The following INPP5F variants were observed in gnomAD, a reference collection of about 807,000 sequenced individuals.
INPP5F encodes inositol polyphosphate-5-phosphatase F.
In INPP5F, 97 loss-of-function variants were observed where a neutral mutation model predicts 137.2. The ratio of observed to expected loss-of-function variants is 0.71; its 90% CI spans 0.60 to 0.84. The LOEUF is 0.84. Ranked by LOEUF, INPP5F falls within the 40% of genes least tolerant of loss-of-function variation. INPP5F has a pLI of 0.00. For synonymous variants in INPP5F, 504 were observed against 476.9 expected, an observed-to-expected ratio of 1.06 and a Z score of -0.74; for missense variants, 1,271 against 1,371.9, an observed-to-expected ratio of 0.93 and a Z score of 1.16.
In INPP5F at chr10:119,748,363, T is replaced by G. The variant is rs1848598930; in HGVS notation, c.98-2713T>G. Among the ~76,000 whole-genome samples the G allele has an allele frequency of 6.6e-6, 1 of 152,200 alleles. No individual in the cohort carries two copies. Among genetic ancestry groups the G allele is most frequent in the African/African-American group, 2.4e-5 (1 of 41,452 alleles). ...CTCGGAGAGCCCCTAGGTCTGGTGT[T>G]CCCGAAGGGCCGCAGCCCTTTCCTC... On this transcript the variant is annotated intron_variant, in intron 1 of 19. Coordinates refer to ENST00000650623, the MANE Select transcript of INPP5F (RefSeq NM_014937.4). The surrounding 1 kb of genome is among the most constrained non-coding windows in gnomAD (Gnocchi z 4.7).
intron 2 of INPP5F, among the ~76,000 whole-genome samples, chr10:119,768,984 T>C (rs949006255): frequency 6.6e-6 from 1 of 152,222 alleles, no homozygotes; most frequent in Non-Finnish European, 1.5e-5. Context: ...TCTCCTGTTC[T>C]CCTTATGTGA....
intron 9 of INPP5F, among the ~76,000 whole-genome samples, chr10:119,803,828 G>T (rs536052912): frequency 1.3e-5 from 2 of 152,180 alleles, no homozygotes; most frequent in South Asian, 4.2e-4. Context: ...CAGTATTTAG[G>T]CTTTCTTTAT....
chr10:119,733,169 C>A (rs1390373296), intron 1 of INPP5F, among the ~76,000 whole-genome samples: 4 of 152,260 alleles, frequency 2.6e-5, no homozygotes, highest in South Asian at 2.1e-4. Context: ...AATTAAATAG[C>A]CTCTCAAATG....
At chr10:119,803,002 A>C (rs1236991467) in intron 9 of INPP5F, among the ~76,000 whole-genome samples, 2 of 152,070 alleles carry the variant, frequency 1.3e-5, no homozygotes, top group African/African-American at 4.8e-5. Context: ...TCTCATGTTT[A>C]TTAGCTATTT....
At chr10:119,789,447 T>C (rs922586489) in intron 3 of INPP5F, among the ~76,000 whole-genome samples, 1 of 152,128 alleles carries the variant, frequency 6.6e-6, no homozygotes, top group East Asian at 1.9e-4. Context: ...AGCATCTTTT[T>C]AAAACTGCTG....
chr10:119,750,985 A>G (rs1443099437), intron 1 of INPP5F, 91 bp from the exon 2 acceptor site: 1 of 827,340 alleles, frequency 1.2e-6, no homozygotes, highest in Non-Finnish European at 2.1e-6. Context: ...TTTTTGGGAC[A>G]TTGATTTTTT....
At chr10:119,749,275 G>A (rs560946602) in intron 1 of INPP5F, among the ~76,000 whole-genome samples, 1 of 152,342 alleles carries the variant, frequency 6.6e-6, no homozygotes, top group Non-Finnish European at 1.5e-5. Flanking sequence ...AACTTGGTAG[G>A]GGGCAGCGCT....
chr10:119,823,781 G>A, intron 18 of INPP5F, 34 bp from the exon 19 acceptor site: 2 of 1,539,472 alleles, frequency 1.3e-6, no homozygotes, highest in Non-Finnish European at 9.0e-7. Flanking sequence ...TATGTTTATG[G>A]AGAAATTGGC....
At chr10:119,792,799 C>T (rs1168325988) in intron 6 of INPP5F, among the ~76,000 whole-genome samples, 1 of 152,080 alleles carries the variant, frequency 6.6e-6, no homozygotes, top group Non-Finnish European at 1.5e-5. Context: ...ATTCAATCAA[C>T]AAATATTTAT....
At chr10:119,788,026 T>C (rs1274431858) in intron 3 of INPP5F, among the ~76,000 whole-genome samples, 1 of 152,140 alleles carries the variant, frequency 6.6e-6, no homozygotes, top group Non-Finnish European at 1.5e-5. Flanking sequence ...ATCAACACCA[T>C]AGCAATGGGC....
At chr10:119,812,854 G>C (rs1851097172) in intron 15 of INPP5F, among the ~76,000 whole-genome samples, 1 of 151,584 alleles carries the variant, frequency 6.6e-6, no homozygotes, top group South Asian at 2.1e-4. Flanking sequence ...ATTTGGTAAA[G>C]CTATTTTGAT....
At chr10:119,729,205 G>C (rs1249493741) in intron 1 of INPP5F, among the ~76,000 whole-genome samples, 4 of 152,164 alleles carry the variant, frequency 2.6e-5, no homozygotes. Context: ...GAGTGCGGTG[G>C]CGTGTTCTCG....
chr10:119,748,886 C>G lies in INPP5F; in HGVS notation c.98-2190C>G, dbSNP rs986647500. Among the ~76,000 whole-genome samples the G allele has an allele frequency of 6.6e-6, 1 of 152,190 alleles. No homozygotes were observed. Among genetic ancestry groups the G allele is most frequent in the Non-Finnish European group, 1.5e-5 (1 of 68,024 alleles). ...TGATCTGCCCCTTTCTGGACAGGAA[C>G]CTGTGTCTGTCTCCCTCCACTGCCC... On this transcript the variant is annotated intron_variant, in intron 1 of 19. Transcript: ENST00000650623. The surrounding 1 kb of genome is among the most constrained non-coding windows in gnomAD (Gnocchi z 4.7).
intron 2 of INPP5F, among the ~76,000 whole-genome samples, chr10:119,767,576 A>T (rs196197): frequency 0.43 from 64,983 of 152,064 alleles, 14,198 homozygotes; most frequent in South Asian, 0.68. Context: ...AATATGTCAG[A>T]CATTACATAA....
intron 9 of INPP5F, among the ~76,000 whole-genome samples, chr10:119,801,613 G>C (rs1347124313): frequency 6.6e-6 from 1 of 152,112 alleles, no homozygotes; most frequent in Admixed American, 6.5e-5. Flanking sequence ...GGTGGCACAT[G>C]GCTGTAGTCC....
chr10:119,785,974 C>CTT (rs1849897980), intron 3 of INPP5F, among the ~76,000 whole-genome samples: 1 of 152,168 alleles, frequency 6.6e-6, no homozygotes, highest in Non-Finnish European at 1.5e-5. Flanking sequence ...GTTATATAGG[C>CTT]TTATGTTCCA....
chr10:119,792,027 C>G lies in INPP5F; in HGVS notation c.603C>G (p.Leu201=). The part of the protein sequence containing the change: ...QSTGERDGRP[L]WQKVDDRFFW... ...CTGGGGAGAGGGACGGTCGGCCCCT[C>G]TGGCAGAAGGTACCACTCACAGCTC... The change falls in exon 5 of 20, where the codon CTC becomes CTG. Residue 201 remains leucine, a synonymous_variant. Transcript: ENST00000650623. 6.2e-7 allele frequency: 1 copy of G among 1,614,222 alleles called. No homozygotes were observed. Among genetic ancestry groups the G allele is most frequent in the Non-Finnish European group, 8.5e-7 (1 of 1,180,048 alleles).
At chr10:119,744,926 A>C (rs1848486631) in intron 1 of INPP5F, among the ~76,000 whole-genome samples, 1 of 152,106 alleles carries the variant, frequency 6.6e-6, no homozygotes, top group Non-Finnish European at 1.5e-5. Context: ...ACTGGTTTTC[A>C]TTCTCGACTA....
At chr10:119,824,961 G>A (rs1191754665) in intron 19 of INPP5F, among the ~76,000 whole-genome samples, 1 of 152,172 alleles carries the variant, frequency 6.6e-6, no homozygotes, top group African/African-American at 2.4e-5. Context: ...GATCAGTTTG[G>A]AAATGTATTG....
Sources: allele counts gnomAD v4.1 joint callset (sites outside exome capture counted in the v4.1 genomes callset), GRCh38; gene constraint gnomAD v4.1.1; non-coding constraint Gnocchi (gnomAD v3.1); transcripts MANE v1.5; gene names NCBI Gene and HGNC (gene_info 2026-07-23, HGNC 2026-07-21).